NTRK3: variants seen among roughly 807,000 people sequenced by gnomAD.
NTRK3 encodes the protein neurotrophic receptor tyrosine kinase 3, also known as NT-3 growth factor receptor.
NTRK3 carries 24 observed loss-of-function variants against 91.7 expected under a neutral mutation model. The observed-to-expected ratio is 0.26, with a 90% confidence interval of 0.19 to 0.37. The LOEUF (loss-of-function observed/expected upper bound fraction) is 0.37. Ranked by LOEUF, NTRK3 falls within the 10% of genes least tolerant of loss-of-function variation. The pLI is 1.00. For missense variants in NTRK3, 880 were observed against 1,068.9 expected (o/e 0.82, Z 2.46); for synonymous variants, 483 against 404.0 (o/e 1.20, Z -2.34).
chr15:88,250,157 G>A (rs999100741), intron 3 of NTRK3, among the ~76,000 whole-genome samples: 8 of 152,054 alleles, frequency 5.3e-5, no homozygotes, highest in African/African-American at 9.7e-5. Flanking sequence ...TCTCTCAGGC[G>A]TAGTCCTAAT....
At chr15:88,058,249 CTT>C (rs1295535243) in intron 13 of NTRK3, among the ~76,000 whole-genome samples, 1 of 152,150 alleles carries the variant, frequency 6.6e-6, no homozygotes, top group Non-Finnish European at 1.5e-5. Flanking sequence ...TCAGACAGTT[CTT>C]GAGTTCAAAT....
chr15:88,063,766 G>T (rs1479931347), intron 13 of NTRK3, among the ~76,000 whole-genome samples: 1 of 152,176 alleles, frequency 6.6e-6, no homozygotes, highest in Admixed American at 6.5e-5. Context: ...TTGAATAGGT[G>T]GAAGAATGAA....
chr15:88,121,724 C>T (rs977144489), intron 13 of NTRK3, among the ~76,000 whole-genome samples: 9 of 152,226 alleles, frequency 5.9e-5, no homozygotes, highest in Middle Eastern at 3.2e-3. Flanking sequence ...CAGTGGGGAC[C>T]TCCAGGGCCC....
intron 14 of NTRK3, among the ~76,000 whole-genome samples, chr15:88,021,801 G>A (rs1476897189): frequency 6.6e-6 from 1 of 152,128 alleles, no homozygotes; most frequent in African/African-American, 2.4e-5. Flanking sequence ...CTGTCATAAG[G>A]TATGACTCAC....
intron 5 of NTRK3, among the ~76,000 whole-genome samples, chr15:88,153,682 T>C (rs79844951): frequency 6.6e-6 from 1 of 152,234 alleles, no homozygotes; most frequent in East Asian, 1.9e-4. Flanking sequence ...TTCTAGAGGT[T>C]AAGAGGTCCA....
chr15:88,236,001 G>A (rs2051691487), intron 3 of NTRK3, among the ~76,000 whole-genome samples: 1 of 152,188 alleles, frequency 6.6e-6, no homozygotes, highest in African/African-American at 2.4e-5. Context: ...GTCCTAGAGT[G>A]TAAACTGTTA....
chr15:88,127,418 T>C (rs2053408815), intron 11 of NTRK3, among the ~76,000 whole-genome samples, 192 bp from the exon 12 acceptor site: 1 of 151,984 alleles, frequency 6.6e-6, no homozygotes, highest in African/African-American at 2.4e-5. Flanking sequence ...GGTTCCTATC[T>C]GACCATCTGG....
At chr15:88,103,081 C>T (rs943979312) in intron 13 of NTRK3, among the ~76,000 whole-genome samples, 4 of 152,156 alleles carry the variant, frequency 2.6e-5, no homozygotes, top group African/African-American at 4.8e-5. Flanking sequence ...GCATGACGAA[C>T]GTAGGCTCAA....
At chr15:88,026,864 G>T (rs1328469020) in intron 14 of NTRK3, among the ~76,000 whole-genome samples, 1 of 152,056 alleles carries the variant, frequency 6.6e-6, no homozygotes. Context: ...TTATCTGAAG[G>T]CAGTCATGGC....
intron 5 of NTRK3, among the ~76,000 whole-genome samples, chr15:88,169,817 C>A (rs1360289256): frequency 6.6e-6 from 1 of 152,156 alleles, no homozygotes. Context: ...ACCCATGTCC[C>A]CAGAAAGCCT....
At chr15:88,110,788 G>A (rs1158732214) in intron 13 of NTRK3, among the ~76,000 whole-genome samples, 3 of 152,144 alleles carry the variant, frequency 2.0e-5, no homozygotes, top group Non-Finnish European at 2.9e-5. Context: ...AGACTCCTGG[G>A]CCCAATTTTC....
At chr15:88,068,612 G>A (rs2046852805) in intron 13 of NTRK3, among the ~76,000 whole-genome samples, 1 of 152,190 alleles carries the variant, frequency 6.6e-6, no homozygotes, top group Admixed American at 6.5e-5. Context: ...GCTGCTGTGA[G>A]GTCAACAAAA....
chr15:87,911,587 G>A (rs118141959), intron 17 of NTRK3, among the ~76,000 whole-genome samples: 1,524 of 152,256 alleles, frequency 0.01, 18 homozygotes, highest in South Asian at 0.023. Flanking sequence ...TATCTCTAGC[G>A]TTTTCCAATC....
At chr15:87,997,636 G>A (rs2141581013) in intron 14 of NTRK3, among the ~76,000 whole-genome samples, 1 of 152,256 alleles carries the variant, frequency 6.6e-6, no homozygotes, top group South Asian at 2.1e-4. Context: ...AGTGTCAAAT[G>A]TGATCAAGTG....
chr15:87,888,360 G>C (rs911842621), intron 17 of NTRK3, among the ~76,000 whole-genome samples: 2 of 152,096 alleles, frequency 1.3e-5, no homozygotes, highest in East Asian at 3.9e-4. Flanking sequence ...AGACCAGATG[G>C]GTTCTGAATG....
exon 19 of NTRK3, chr15:87,876,716 A>C (rs996547746): frequency 2.6e-5 from 5 of 193,478 alleles, no homozygotes; most frequent in Non-Finnish European, 1.0e-5. Context: ...TAGATATATA[A>C]ATATATATAT....
chr15:87,964,533 T>C (rs963674479), intron 14 of NTRK3, among the ~76,000 whole-genome samples: 6 of 152,154 alleles, frequency 3.9e-5, no homozygotes, highest in African/African-American at 1.4e-4. Context: ...CCTATTTTAA[T>C]GTAAAATTCA....
At chr15:88,032,826 A>C (rs756023268) in intron 14 of NTRK3, 31 bp downstream of exon 14, 1 of 1,608,490 alleles carries the variant, frequency 6.2e-7, no homozygotes, top group South Asian at 1.1e-5. Context: ...TCCCCTCCCC[A>C]GGAGGGAGAG....
chr15:87,981,908 T>C (rs898118892), intron 14 of NTRK3, among the ~76,000 whole-genome samples: 1 of 152,172 alleles, frequency 6.6e-6, no homozygotes, highest in African/African-American at 2.4e-5. Context: ...TTCCTTGCCA[T>C]TGTTAGGGCA....
Sources: allele counts gnomAD v4.1 joint callset (sites outside exome capture counted in the v4.1 genomes callset), GRCh38; gene constraint gnomAD v4.1.1; transcripts MANE v1.5; gene names NCBI Gene and HGNC (gene_info 2026-07-23, HGNC 2026-07-21).